The following RPN1 variants were observed in gnomAD, a reference collection of about 807,000 sequenced individuals.
RPN1 encodes the protein dolichyl-diphosphooligosaccharide--protein glycosyltransferase subunit 1.
In RPN1, 12 loss-of-function variants were observed where a neutral mutation model predicts 55.5. That is an observed-to-expected ratio of 0.22 (90% confidence interval 0.14 to 0.35). The LOEUF (loss-of-function observed/expected upper bound fraction) is 0.35. Ranked by LOEUF, RPN1 falls within the 10% of genes least tolerant of loss-of-function variation. The pLI is 1.00. For missense variants in RPN1, 679 were observed against 761.3 expected (o/e 0.89, Z 1.27); for synonymous variants, 317 against 305.9 (o/e 1.04, Z -0.38).
Position 128,632,077 on chromosome 3 carries a change from G to T in RPN1, c.714C>A (p.His238Gln). The T allele has an allele frequency of 6.2e-7, 1 of 1,614,194 alleles. No homozygotes were observed. The highest frequency in any genetic ancestry group is 2.2e-5 in the East Asian group (1 of 44,876). The change falls in exon 4 of 10, where the codon CAC (histidine) becomes CAA (glutamine). Residue 238 changes from histidine (H) to glutamine (Q), a missense_variant. Physicochemically the swap from His to Gln is conservative, Grantham distance 24 (BLOSUM62 0). Around this residue, in one of 3 missense-constraint regions of RPN1, gnomAD observed 352 missense variants for 352.8 expected, o/e 1.00. Transcript: ENST00000296255. ...TTTCTTCCACAGCAATATTACCCCA[G>T]TGAGAGACTTCAATGACTCGGGTCA... The part of the protein sequence containing the change: ...TSMTRVIEVS[H>Q]WGNIAVEENV...
intron 5 of RPN1, 46 bp downstream of exon 5, chr3:128,629,905 G>A (rs745604275): frequency 1.2e-5 from 13 of 1,105,612 alleles, no homozygotes; most frequent in Admixed American, 6.8e-5. Flanking sequence ...AAAAATTCAC[G>A]AAATTAAAGA....
chr3:128,640,562 A>G (rs1272447800), intron 2 of RPN1, among the ~76,000 whole-genome samples: 3 of 152,206 alleles, frequency 2.0e-5, no homozygotes, highest in Non-Finnish European at 4.4e-5. Flanking sequence ...CAAATTTTCA[A>G]ATGTTTACTA....
intron 2 of RPN1, chr3:128,644,648 T>C: frequency 3.5e-6 from 2 of 577,158 alleles, no homozygotes; most frequent in Admixed American, 2.3e-5. Flanking sequence ...CAACAGACCC[T>C]GTCTCAAGAA....
chr3:128,637,239 T>TA (rs796996888), intron 3 of RPN1, among the ~76,000 whole-genome samples: 2,769 of 149,424 alleles, frequency 0.019, 89 homozygotes, highest in African/African-American at 0.063. Context: ...TCCTGTCTCT[T>TA]AAAAAAAAAA....
intron 3 of RPN1, among the ~76,000 whole-genome samples, chr3:128,636,497 AAG>A (rs869135406): frequency 7.1e-6 from 1 of 141,160 alleles, no homozygotes; most frequent in African/African-American, 2.6e-5. Flanking sequence ...AAAAAAAAAA[AAG>A]AAACAATTAT....
At chr3:128,649,574 G>A (rs2069798203) in intron 1 of RPN1, among the ~76,000 whole-genome samples, 1 of 152,202 alleles carries the variant, frequency 6.6e-6, no homozygotes, top group African/African-American at 2.4e-5. Context: ...TAGAAGAAAT[G>A]TGACACTATA....
intron 2 of RPN1, among the ~76,000 whole-genome samples, chr3:128,640,878 A>ATCAACAT (rs1447954492): frequency 6.6e-6 from 1 of 152,158 alleles, no homozygotes; most frequent in Non-Finnish European, 1.5e-5. Flanking sequence ...ACAATCTCAA[A>ATCAACAT]TCAACATTCC....
chr3:128,621,007 A>AG lies in RPN1; in HGVS notation c.1642-415dup, dbSNP rs959780865. 1.2e-4 allele frequency among the ~76,000 whole-genome samples: 18 copies of AG among 152,288 alleles called. No individual in the cohort carries two copies. The Middle Eastern group carries it at 0.01, about 86-fold the overall frequency. ...TAGGCAAAAGATCAATGGCAAGGGA[A>AG]GGGGGGGTGACAGGCATTGTCACCT... On this transcript the variant is annotated intron_variant, in intron 9 of 9. Coordinates refer to ENST00000296255, the MANE Select transcript of RPN1 (RefSeq NM_002950.4).
At chr3:128,626,169 CTT>C (rs1345821842) in intron 6 of RPN1, among the ~76,000 whole-genome samples, 157 bp from the exon 7 acceptor site, 1 of 152,208 alleles carries the variant, frequency 6.6e-6, no homozygotes, top group East Asian at 1.9e-4. Flanking sequence ...CACCCACTCT[CTT>C]GAGACAGGGG....
Position 128,650,672 on chromosome 3 carries a change from G to A in RPN1, c.129C>T (p.Ser43=). 4.5e-6 allele frequency: 7 copies of A among 1,571,506 alleles called. No homozygotes were observed. The highest frequency in any genetic ancestry group is 6.0e-6 in the Non-Finnish European group (7 of 1,158,430). ...NEDVKRTVDL[S]SHLAKVTAEV... ...CGGCCGTCACCTTAGCCAGGTGGCT[G>A]CTTAGGTCCACTGTGCGCTTCACGT... Residue 43 remains serine (S), a synonymous_variant, in exon 1 of 10, where the codon AGC becomes AGT. Coordinates refer to ENST00000296255, the MANE Select transcript of RPN1 (RefSeq NM_002950.4).
At chr3:128,629,286 C>T (rs1385086017) in intron 5 of RPN1, among the ~76,000 whole-genome samples, 1 of 152,098 alleles carries the variant, frequency 6.6e-6, no homozygotes, top group Non-Finnish European at 1.5e-5. Context: ...CTTGGCCGGG[C>T]ATGGTGGCTG....
chr3:128,624,047 C>G (rs775621322), intron 8 of RPN1, among the ~76,000 whole-genome samples: 3 of 151,996 alleles, frequency 2.0e-5, no homozygotes, highest in Non-Finnish European at 2.9e-5. Flanking sequence ...CCCCCGCCCC[C>G]CCGCATCTCC....
intron 3 of RPN1, among the ~76,000 whole-genome samples, chr3:128,635,662 T>TATAGATAG (rs1173240397): frequency 5.4e-5 from 6 of 110,184 alleles, no homozygotes; most frequent in African/African-American, 1.9e-4. Flanking sequence ...TATATATATA[T>TATAGATAG]ATAGATATCT....
intron 9 of RPN1, 26 bp from the exon 10 acceptor site, chr3:128,620,619 A>C: frequency 6.2e-7 from 1 of 1,603,660 alleles, no homozygotes; most frequent in Non-Finnish European, 8.5e-7. Context: ...GCAGGGCAGG[A>C]CTTGTGAGCT....
chr3:128,627,994 A>C (rs1287243937), intron 5 of RPN1, among the ~76,000 whole-genome samples: 5 of 1,962 alleles, frequency 2.5e-3, no homozygotes, highest in Non-Finnish European at 7.5e-3. Context: ...GCGGTGGCTC[A>C]CTCCTGTAAT....
At chr3:128,636,721 T>C (rs1032098480) in intron 3 of RPN1, among the ~76,000 whole-genome samples, 18 of 152,098 alleles carry the variant, frequency 1.2e-4, no homozygotes, top group African/African-American at 2.4e-5. Context: ...GCCCAGCTTA[T>C]TATTTTTTGT....
intron 2 of RPN1, chr3:128,644,599 G>A (rs1457735222): frequency 1.9e-6 from 1 of 515,694 alleles, no homozygotes; most frequent in African/African-American, 1.9e-5. Flanking sequence ...GGTGGAGGTT[G>A]CAGTGAGTCA....
intron 3 of RPN1, among the ~76,000 whole-genome samples, chr3:128,635,686 G>GGT: frequency 8.8e-6 from 1 of 113,210 alleles, no homozygotes; most frequent in South Asian, 2.6e-4. Flanking sequence ...GATATCTATA[G>GGT]ATATACACAC....
rs41266495 is a variant in RPN1, at chr3:128,625,977, C to T, written c.1172G>A (p.Arg391His). 2.4e-3 allele frequency: 3,852 copies of T among 1,611,396 alleles called. 11 individuals carry two copies. Among genetic ancestry groups the T allele is most frequent in the Middle Eastern group, 3.8e-3 (23 of 6,034 alleles). Residue 391 changes from arginine (R) to histidine (H), a missense_variant, in exon 7 of 10, where the codon CGT becomes CAT. This residue lies in a region of RPN1 where 306 missense variants were observed against 360.0 expected (regional missense o/e 0.85). Transcript: ENST00000296255. ...IEIDSPYEIS[R>H]APDELHYTYL... ...GGTGTAGTGCAGCTCATCTGGGGCA[C>T]GGCTGATTTCATAGGGACTATCAAT...
Sources: allele counts gnomAD v4.1 joint callset (sites outside exome capture counted in the v4.1 genomes callset), GRCh38; gene constraint gnomAD v4.1.1; regional missense constraint gnomAD v4.1.1; transcripts MANE v1.5; gene names NCBI Gene and HGNC (gene_info 2026-07-23, HGNC 2026-07-21).